Variants in SLC27A2 observed in about 807,000 individuals in gnomAD.
SLC27A2 encodes the protein long-chain fatty acid transport protein 2.
A neutral mutation model predicts 60.0 loss-of-function variants in SLC27A2; 54 were observed. That is an observed-to-expected ratio of 0.90 (90% CI 0.72 to 1.13). The LOEUF (loss-of-function observed/expected upper bound fraction) is 1.13, where lower values mean the gene tolerates loss of function less well. SLC27A2 is among the 50% of genes most tolerant of loss of function. SLC27A2 has a pLI of 0.00. For synonymous variants in SLC27A2, 297 were observed against 297.6 expected, an observed-to-expected ratio of 1.00 and a Z score of 0.02; for missense variants, 739 against 777.6, an observed-to-expected ratio of 0.95 and a Z score of 0.59.
intron 3 of SLC27A2, among the ~76,000 whole-genome samples, chr15:50,203,993 A>AT (rs1448995189): frequency 2.0e-5 from 3 of 152,010 alleles, no homozygotes; most frequent in African/African-American, 7.2e-5. Flanking sequence ...CATCTGTACT[A>AT]TTTTGTTATA....
At chr15:50,228,648 A>C (rs947903997) in intron 7 of SLC27A2, among the ~76,000 whole-genome samples, 1 of 152,210 alleles carries the variant, frequency 6.6e-6, no homozygotes, top group East Asian at 1.9e-4. Context: ...ATTTCTTTCT[A>C]ATTTCCACTG....
At chr15:50,234,096 A>G (rs2045333500) in intron 9 of SLC27A2, 98 bp downstream of exon 9, 9 of 1,181,216 alleles carry the variant, frequency 7.6e-6, no homozygotes, top group Admixed American at 2.3e-5. Context: ...TACATTTGCC[A>G]AGTTTTCACC....
rs528110630 is a variant in SLC27A2, at chr15:50,194,158, A to T, written c.479-3342A>T. ...AGGACCCTGTCTCTAAAGAAAAATT[A>T]AAAAATTGAACCCTATCATACTGTG... is the stretch of plus-strand genomic sequence containing the variant. On this transcript the variant is annotated intron_variant, in intron 1 of 9. Coordinates refer to ENST00000267842, the MANE Select transcript of SLC27A2 (RefSeq NM_003645.4). Among the ~76,000 whole-genome samples, 4 of 152,282 alleles carry T rather than the reference A, an allele frequency of 2.6e-5. No homozygotes were observed. In the East Asian group the frequency reaches 5.8e-4, roughly 22 times the overall value.
chr15:50,205,759 G>A (rs868257111), intron 4 of SLC27A2, among the ~76,000 whole-genome samples: 1 of 152,060 alleles, frequency 6.6e-6, no homozygotes, highest in Non-Finnish European at 1.5e-5. Flanking sequence ...ACCCTCTGTG[G>A]CCCTTGTCAT....
Position 50,236,104 on chromosome 15 carries a change from C to A in SLC27A2, c.*8C>A. On this transcript the variant is annotated 3_prime_UTR_variant, in exon 10 of 10. Coordinates refer to ENST00000267842, the MANE Select transcript of SLC27A2 (RefSeq NM_003645.4). ...AAAACCCTGAAACTCTGAATATTCC[C>A]AGGAGGATAACTCAACATTTCCAGA... 1 of 1,561,200 alleles carries A rather than the reference C, an allele frequency of 6.4e-7. No individual in the cohort carries two copies. The highest frequency in any genetic ancestry group is 8.7e-7 in the Non-Finnish European group (1 of 1,146,282).
At position 50,182,599 on chromosome 15, in the gene SLC27A2, G is replaced by C. The variant is rs747324422; in HGVS notation, c.172G>C (p.Ala58Pro). ...GCGGCCGGCGCGCACCATCCTGCGG[G>C]CGTTCCTGGAGAAAGCGCGCCAGAC... ...KRRPARTILR[A>P]FLEKARQTPH... The change falls in exon 1 of 10, where the codon GCG becomes CCG. Residue 58 changes from alanine (A) to proline (P), a missense_variant. By Grantham distance (27) the Ala-to-Pro change is conservative (BLOSUM62 -1). Coordinates refer to ENST00000267842, the MANE Select transcript of SLC27A2 (RefSeq NM_003645.4). The C allele has an allele frequency of 3.1e-6, 5 of 1,613,428 alleles. No individual in the cohort carries two copies. In the Admixed American group the frequency reaches 8.3e-5, roughly 27 times the overall value.
At chr15:50,217,793 C>T (rs761956567) in intron 4 of SLC27A2, among the ~76,000 whole-genome samples, 3 of 152,152 alleles carry the variant, frequency 2.0e-5, no homozygotes, top group East Asian at 1.9e-4. Context: ...CGGTGGCTCA[C>T]GCCTGTAATC....
At chr15:50,214,030 G>C (rs1323801381) in intron 4 of SLC27A2, among the ~76,000 whole-genome samples, 1 of 151,862 alleles carries the variant, frequency 6.6e-6, no homozygotes, top group Non-Finnish European at 1.5e-5. Context: ...CAAAAAGCTG[G>C]TTCTTTGAAA....
intron 7 of SLC27A2, among the ~76,000 whole-genome samples, chr15:50,227,838 G>C (rs1344064092): frequency 6.6e-6 from 1 of 152,170 alleles, no homozygotes; most frequent in African/African-American, 2.4e-5. Flanking sequence ...AATGAGGAAG[G>C]GATGGAAGTT....
chr15:50,188,776 A>G (rs1382947170), intron 1 of SLC27A2, among the ~76,000 whole-genome samples: 1 of 152,210 alleles, frequency 6.6e-6, no homozygotes, highest in African/African-American at 2.4e-5. Flanking sequence ...CCTGGCCAAC[A>G]TGGCGAAACC....
At chr15:50,200,733 C>T (rs1431266769) in intron 2 of SLC27A2, among the ~76,000 whole-genome samples, 1 of 152,050 alleles carries the variant, frequency 6.6e-6, no homozygotes, top group Non-Finnish European at 1.5e-5. Context: ...ACAACATAAG[C>T]ATACACTTAC....
Position 50,233,961 on chromosome 15 carries a change from T to C in SLC27A2, c.1649T>C (p.Leu550Pro), listed in dbSNP as rs761840938. The change falls in exon 9 of 10, where the codon CTA becomes CCA. Residue 550 changes from leucine to proline, a missense_variant. Physicochemically the swap from Leu to Pro is moderately conservative, Grantham distance 98 (BLOSUM62 -3). Transcript: ENST00000267842. ...CTCTTTCAGCACATTGCTGATTACC[T>C]ACCTAGTTATGCAAGGCCCCGGTTT... ...KKLFQHIADY[L>P]PSYARPRFLR... The C allele has an allele frequency of 1.9e-6, 3 of 1,613,258 alleles. No homozygotes were observed. The highest frequency in any genetic ancestry group is 2.5e-6 in the Non-Finnish European group (3 of 1,179,602).
At chr15:50,204,472 G>A (rs550808682) in intron 3 of SLC27A2, among the ~76,000 whole-genome samples, 48 of 151,590 alleles carry the variant, frequency 3.2e-4, no homozygotes, top group Non-Finnish European at 6.2e-4. Flanking sequence ...GGTGGCTCAC[G>A]CCTGTAATCT....
chr15:50,187,735 A>G (rs2044936337), intron 1 of SLC27A2, among the ~76,000 whole-genome samples: 2 of 152,220 alleles, frequency 1.3e-5, no homozygotes, highest in Non-Finnish European at 2.9e-5. Flanking sequence ...GCAAGGTTGC[A>G]GAAAACAAAA....
At chr15:50,193,169 T>A (rs74328020) in intron 1 of SLC27A2, among the ~76,000 whole-genome samples, 11,372 of 152,278 alleles carry the variant, frequency 0.075, 466 homozygotes, top group South Asian at 0.12. Flanking sequence ...CCAGCTGATC[T>A]TCATCTCCAC....
At chr15:50,200,540 T>G (rs1019640261) in intron 2 of SLC27A2, among the ~76,000 whole-genome samples, 1 of 152,230 alleles carries the variant, frequency 6.6e-6, no homozygotes, top group Non-Finnish European at 1.5e-5. Context: ...TTGTCTGCCT[T>G]GTAACAAGTT....
chr15:50,185,621 C>CTTTTTTTTTT (rs531026687), intron 1 of SLC27A2, among the ~76,000 whole-genome samples: 1 of 95,774 alleles, frequency 1.0e-5, no homozygotes, highest in African/African-American at 4.7e-5. Flanking sequence ...AGGAAGCTTA[C>CTTTTTTTTTT]TTTTTTTTTT....
intron 2 of SLC27A2, among the ~76,000 whole-genome samples, 172 bp downstream of exon 2, chr15:50,197,881 C>G (rs2433283): frequency 0.79 from 120,103 of 152,182 alleles, 47,881 homozygotes; most frequent in East Asian, 0.95. Context: ...ATCCCATTTG[C>G]GTTTCTCCAA....
intron 7 of SLC27A2, among the ~76,000 whole-genome samples, chr15:50,227,980 G>A (rs560542818): frequency 1.8e-4 from 27 of 152,294 alleles, no homozygotes; most frequent in Non-Finnish European, 2.6e-4. Context: ...TGTGGGTCAC[G>A]ATGATTCTCA....
Sources: gnomAD v4.1 joint callset for allele counts (sites outside exome capture counted in the v4.1 genomes callset) on GRCh38, gnomAD v4.1.1 for gene constraint, MANE v1.5 for transcripts, NCBI Gene and HGNC (gene_info 2026-07-23, HGNC 2026-07-21) for gene names.